The following DAG1 variants were observed in gnomAD, a reference collection of about 807,000 sequenced individuals.
DAG1 encodes the protein dystroglycan 1 (dystrophin-associated glycoprotein 1).
Under a neutral mutation model 46.1 loss-of-function variants are expected in DAG1, and 8 were observed. The observed-to-expected ratio is 0.17, with a 90% CI of 0.10 to 0.31. DAG1 has a LOEUF of 0.31. DAG1 is among the 10% of genes least tolerant of loss of function. The probability of loss-of-function intolerance (pLI) is 1.00; values close to 1 mark genes in which losing one functional copy is unlikely to be tolerated. For synonymous variants in DAG1, 495 were observed against 481.8 expected (o/e 1.03, Z -0.36); for missense variants, 1,003 against 1,189.9 (o/e 0.84, Z 2.31).
chr3:49,501,457 G>C (rs2050448066), intron 1 of DAG1, among the ~76,000 whole-genome samples: 2 of 152,154 alleles, frequency 1.3e-5, no homozygotes, highest in African/African-American at 4.8e-5. Flanking sequence ...ATGTATCCCT[G>C]CTCTCCCACA....
At chr3:49,474,858 A>G (rs561707388) in intron 1 of DAG1, among the ~76,000 whole-genome samples, 1 of 147,322 alleles carries the variant, frequency 6.8e-6, no homozygotes, top group Admixed American at 7.0e-5. Flanking sequence ...CCCAGGCTGC[A>G]TGGAGTGCAG....
chr3:49,486,803 T>G (rs3924462), intron 1 of DAG1, among the ~76,000 whole-genome samples: 63,402 of 152,096 alleles, frequency 0.42, 14,879 homozygotes, highest in East Asian at 0.93. Context: ...GCGCTCAGCC[T>G]GATATGAATA....
At chr3:49,482,138 G>A (rs2049901623) in intron 1 of DAG1, among the ~76,000 whole-genome samples, 1 of 152,192 alleles carries the variant, frequency 6.6e-6, no homozygotes, top group African/African-American at 2.4e-5. Context: ...TTTACAAGCA[G>A]TATACTTGGT....
intron 1 of DAG1, among the ~76,000 whole-genome samples, chr3:49,499,176 T>A (rs1559557811): frequency 6.6e-6 from 1 of 152,202 alleles, no homozygotes; most frequent in Non-Finnish European, 1.5e-5. Flanking sequence ...TCCCAACTTT[T>A]CTTTTATTCT....
At chr3:49,510,323 C>A in intron 1 of DAG1, 96 bp from the exon 2 acceptor site, 1 of 610,536 alleles carries the variant, frequency 1.6e-6, no homozygotes. Flanking sequence ...TGATCCAACT[C>A]GGGGTAGATG....
Position 49,510,406 on chromosome 3 carries a change from CT to C in DAG1, c.-116-4del, listed in dbSNP as rs200455639. 1.4e-4 allele frequency: 132 copies of C among 925,000 alleles called. No homozygotes were observed. Among genetic ancestry groups the C allele is most frequent in the South Asian group, 4.8e-4 (36 of 75,066 alleles). 57.3% of individuals were successfully genotyped at this position (925,000 alleles called of 1,614,324 possible). ...ATTGCTCAAGTCTAAACCTGCTTTT[CT>C]TTTTTTTTCAGGCTCTGTGTGCTCC... is the stretch of plus-strand genomic sequence containing the variant. On this transcript the variant is annotated splice_polypyrimidine_tract_variant and intron_variant, in intron 1 of 2. Transcript: ENST00000308775.
chr3:49,477,583 C>T (rs942365923), intron 1 of DAG1, among the ~76,000 whole-genome samples: 10 of 152,208 alleles, frequency 6.6e-5, no homozygotes, highest in East Asian at 1.9e-4. Context: ...CATGAGCCTC[C>T]GCACCTGACT....
At chr3:49,478,602 T>A (rs1197306997) in intron 1 of DAG1, among the ~76,000 whole-genome samples, 1 of 144,940 alleles carries the variant, frequency 6.9e-6, no homozygotes. Context: ...GGCCTTGAAC[T>A]GCTGAGCTTA....
intron 2 of DAG1, among the ~76,000 whole-genome samples, chr3:49,528,047 C>G (rs2051230929): frequency 6.6e-6 from 1 of 152,096 alleles, no homozygotes. Context: ...CCTAATTCAC[C>G]TACTCTCCAC....
At chr3:49,497,759 G>A in intron 1 of DAG1, among the ~76,000 whole-genome samples, 1 of 152,182 alleles carries the variant, frequency 6.6e-6, no homozygotes. Context: ...AATGTAGAAG[G>A]AATTCTTTCA....
In DAG1 at chr3:49,532,689, A is replaced by G. The variant is rs747230712; in HGVS notation, c.2178A>G (p.Arg726=). Residue 726 remains arginine, a synonymous_variant, in exon 3 of 3, where the codon AGA becomes AGG. Transcript: ENST00000308775. This position sits in a 1 kb window ranked among gnomAD's most constrained non-coding sequence, Gnocchi z 5.4. ...LQFIPVVPPR[R]VPSEAPPTEV... is the part of the protein sequence containing the mutation. ...TTATCCCTGTGGTACCACCCAGGAG[A>G]GTGCCCTCAGAGGCGCCGCCCACAG... 6 of 1,614,154 alleles carry G rather than the reference A, an allele frequency of 3.7e-6. No individual in the cohort carries two copies. In the South Asian group the frequency reaches 4.4e-5, roughly 12 times the overall value.
chr3:49,490,150 G>A (rs1432720488), intron 1 of DAG1, among the ~76,000 whole-genome samples: 2 of 152,030 alleles, frequency 1.3e-5, no homozygotes, highest in African/African-American at 2.4e-5. Flanking sequence ...TCAGGAGATC[G>A]AGACTATCCT....
chr3:49,528,156 CAA>C (rs1244878269), intron 2 of DAG1, among the ~76,000 whole-genome samples: 2 of 151,402 alleles, frequency 1.3e-5, no homozygotes, highest in African/African-American at 2.4e-5. Flanking sequence ...TTTTGCAAAA[CAA>C]GAGCATTCAA....
chr3:49,498,321 C>T (rs1231936663), intron 1 of DAG1, among the ~76,000 whole-genome samples: 2 of 152,134 alleles, frequency 1.3e-5, no homozygotes, highest in African/African-American at 2.4e-5. Flanking sequence ...CTTCACCAGT[C>T]ACTTGACTTC....
At chr3:49,500,113 A>C (rs2050408053) in intron 1 of DAG1, among the ~76,000 whole-genome samples, 1 of 37,558 alleles carries the variant, frequency 2.7e-5, no homozygotes, top group African/African-American at 7.7e-5. Flanking sequence ...CCCGGGTTCA[A>C]GCAATTTTCC....
rs566435574 is a variant in DAG1, at chr3:49,483,351, T to C, written c.-117+12918T>C. On this transcript the variant is annotated intron_variant, in intron 1 of 2. Transcript: ENST00000308775. ...CCCAAGTAGCTGGAATGATACACCA[T>C]GCGCCACCACACCTGGCTAATTTTT... is the stretch of plus-strand genomic sequence containing the variant. 2.1e-4 allele frequency among the ~76,000 whole-genome samples: 32 copies of C among 152,098 alleles called. 1 individual carries two copies. The East Asian group carries it at 4.8e-3, about 23-fold the overall frequency.
At chr3:49,472,059 G>C (rs1224621967) in intron 1 of DAG1, among the ~76,000 whole-genome samples, 1 of 152,096 alleles carries the variant, frequency 6.6e-6, no homozygotes, top group Non-Finnish European at 1.5e-5. Context: ...GCGAGCTCTG[G>C]GCCTGCCTTG....
chr3:49,489,676 T>C (rs189660134), intron 1 of DAG1, among the ~76,000 whole-genome samples: 8 of 152,244 alleles, frequency 5.3e-5, no homozygotes, highest in Non-Finnish European at 8.8e-5. Context: ...TAGTGTGACA[T>C]TTTCTTCCAT....
intron 1 of DAG1, among the ~76,000 whole-genome samples, chr3:49,472,052 A>G (rs942471080): frequency 3.9e-5 from 6 of 152,112 alleles, no homozygotes; most frequent in Admixed American, 3.9e-4. Context: ...GGCAGGTGCG[A>G]GCTCTGGGCC....
Sources: gnomAD v4.1 joint callset for allele counts (sites outside exome capture counted in the v4.1 genomes callset) on GRCh38, gnomAD v4.1.1 for gene constraint, Gnocchi (gnomAD v3.1) non-coding constraint, MANE v1.5 for transcripts, NCBI Gene and HGNC (gene_info 2026-07-23, HGNC 2026-07-21) for gene names.